Variants in IFT81 observed in about 807,000 individuals in gnomAD.
IFT81 encodes the protein intraflagellar transport protein 81 homolog.
A neutral mutation model predicts 102.6 loss-of-function variants in IFT81; 72 were observed. The ratio of observed to expected loss-of-function variants is 0.70; its 90% confidence interval spans 0.58 to 0.85. IFT81 has a LOEUF of 0.85. IFT81 is among the 40% of genes least tolerant of loss of function. The pLI is 0.00. For missense variants in IFT81, 723 were observed against 787.3 expected, an observed-to-expected ratio of 0.92 and a Z score of 0.98; for synonymous variants, 237 against 242.7, an observed-to-expected ratio of 0.98 and a Z score of 0.22.
At chr12:110,205,539 T>C in intron 16 of IFT81, 25 bp downstream of exon 16, 1 of 1,585,278 alleles carries the variant, frequency 6.3e-7, no homozygotes, top group Non-Finnish European at 8.6e-7. Flanking sequence ...ATCAAAAACA[T>C]TTCTGAGTTT....
intron 14 of IFT81, among the ~76,000 whole-genome samples, chr12:110,196,013 G>A (rs965523741): frequency 2.0e-5 from 3 of 152,158 alleles, no homozygotes; most frequent in African/African-American, 7.2e-5. Flanking sequence ...TTCTCCCTGT[G>A]TTCATCAGAT....
intron 12 of IFT81, among the ~76,000 whole-genome samples, chr12:110,183,657 A>C (rs1897399556): frequency 1.3e-5 from 2 of 152,152 alleles, no homozygotes; most frequent in South Asian, 4.1e-4. Flanking sequence ...TGTAATGAAA[A>C]GATCATTATA....
At chr12:110,172,732 C>T (rs1241226218) in intron 11 of IFT81, among the ~76,000 whole-genome samples, 2 of 152,236 alleles carry the variant, frequency 1.3e-5, no homozygotes, top group East Asian at 1.9e-4. Flanking sequence ...GATCTCGTGT[C>T]GCTACAACCT....
At chr12:110,198,269 CT>C (rs201411068) in intron 14 of IFT81, among the ~76,000 whole-genome samples, 21 of 146,556 alleles carry the variant, frequency 1.4e-4, no homozygotes, top group Non-Finnish European at 2.4e-4. Flanking sequence ...AGTAAGCCAT[CT>C]TTTTTTTTTC....
chr12:110,132,425 A>C (rs1894220816), intron 4 of IFT81, 122 bp from the exon 5 acceptor site: 2 of 446,346 alleles, frequency 4.5e-6, no homozygotes, highest in Admixed American at 4.6e-5. Flanking sequence ...GTGCCACTGC[A>C]CTCCAGGCTG....
At chr12:110,135,198 C>G in intron 6 of IFT81, 129 bp from the exon 7 acceptor site, 1 of 714,464 alleles carries the variant, frequency 1.4e-6, no homozygotes, top group Non-Finnish European at 2.4e-6. Context: ...GAGCCTAGAG[C>G]TTTACTGTCA....
At chr12:110,156,666 T>A (rs1366419341) in intron 10 of IFT81, among the ~76,000 whole-genome samples, 2 of 152,054 alleles carry the variant, frequency 1.3e-5, no homozygotes, top group East Asian at 3.9e-4. Context: ...CCAGCTAATT[T>A]TTGTATTTTT....
intron 11 of IFT81, among the ~76,000 whole-genome samples, chr12:110,174,866 A>G (rs1896971743): frequency 6.6e-6 from 1 of 152,248 alleles, no homozygotes; most frequent in South Asian, 2.1e-4. Context: ...TCCTGAAGCC[A>G]GAAGCTAGCA....
intron 12 of IFT81, among the ~76,000 whole-genome samples, chr12:110,180,796 T>G (rs562364946): frequency 6.6e-6 from 1 of 152,318 alleles, no homozygotes; most frequent in Admixed American, 6.5e-5. Context: ...TAGAAAAACT[T>G]GAATTCCAAG....
intron 4 of IFT81, among the ~76,000 whole-genome samples, chr12:110,129,718 G>A (rs1894054042): frequency 6.6e-6 from 1 of 152,176 alleles, no homozygotes; most frequent in African/African-American, 2.4e-5. Context: ...AGGTCTTAAA[G>A]CTCTTGAGTA....
intron 10 of IFT81, among the ~76,000 whole-genome samples, chr12:110,150,914 A>G (rs1372109066): frequency 6.6e-6 from 1 of 152,148 alleles, no homozygotes; most frequent in African/African-American, 2.4e-5. Context: ...AGAAGAACAT[A>G]TTAAACACAC....
intron 11 of IFT81, among the ~76,000 whole-genome samples, chr12:110,178,716 A>G (rs574612748): frequency 1.4e-3 from 181 of 128,774 alleles, no homozygotes; most frequent in Non-Finnish European, 2.5e-3. Flanking sequence ...CCCGGGTTCA[A>G]GCAATTCTCC....
At chr12:110,150,396 GTTT>G (rs1895461764) in intron 10 of IFT81, among the ~76,000 whole-genome samples, 2 of 152,098 alleles carry the variant, frequency 1.3e-5, no homozygotes, top group Admixed American at 6.6e-5. Flanking sequence ...GGCAGCCATT[GTTT>G]TTAGGTCTTT....
chr12:110,162,970 G>T lies in IFT81; in HGVS notation c.1093G>T (p.Ala365Ser). 2.5e-6 allele frequency: 4 copies of T among 1,613,956 alleles called. No homozygotes were observed. The highest frequency in any genetic ancestry group is 4.5e-5 in the East Asian group (2 of 44,862). ...AGCCAAAGCTGAGGAACTTCAGGAGGCCAAGGAGAAGTTAGCCAGCCTAGA... is the reference window on the plus strand; with the variant it reads ...AGCCAAAGCTGAGGAACTTCAGGAGTCCAAGGAGAAGTTAGCCAGCCTAGA... ...KEAKAEELQE[A>S]KEKLASLERE... The change falls in exon 11 of 19, where the codon GCC (alanine) becomes TCC (serine). Residue 365 changes from alanine to serine, a missense_variant. Coordinates refer to ENST00000242591, the MANE Select transcript of IFT81 (RefSeq NM_014055.4).
intron 11 of IFT81, among the ~76,000 whole-genome samples, chr12:110,173,827 CG>C (rs1380869618): frequency 5.3e-5 from 8 of 151,880 alleles, no homozygotes; most frequent in Admixed American, 3.3e-4. Context: ...ACAAACACTG[CG>C]GAAGGCCTCA....
chr12:110,192,762 C>A, intron 14 of IFT81, 56 bp downstream of exon 14: 1 of 983,126 alleles, frequency 1.0e-6, no homozygotes, highest in Non-Finnish European at 1.6e-6. Context: ...AGTATTCTAT[C>A]TTATTCACAT....
At chr12:110,172,525 T>G (rs1896789814) in intron 11 of IFT81, among the ~76,000 whole-genome samples, 1 of 152,184 alleles carries the variant, frequency 6.6e-6, no homozygotes. Context: ...TGCCTGCAAT[T>G]GCAGGCGCGC....
intron 4 of IFT81, 71 bp from the exon 5 acceptor site, chr12:110,132,469 AAAAAAAG>A: frequency 1.5e-6 from 1 of 663,478 alleles, no homozygotes; most frequent in Non-Finnish European, 2.5e-6. Flanking sequence ...CAAAAAAAAA[AAAAAAAG>A]AAAGAAAGAA....
chr12:110,138,964 AAG>A (rs1894681971), intron 8 of IFT81, among the ~76,000 whole-genome samples: 1 of 152,162 alleles, frequency 6.6e-6, no homozygotes, highest in African/African-American at 2.4e-5. Context: ...TAAATTTTTT[AAG>A]AGAGTAATTT....
Sources: gnomAD v4.1 joint callset for allele counts (sites outside exome capture counted in the v4.1 genomes callset) on GRCh38, gnomAD v4.1.1 for gene constraint, MANE v1.5 for transcripts, NCBI Gene and HGNC (gene_info 2026-07-23, HGNC 2026-07-21) for gene names.